Variants in MED13 observed in about 807,000 individuals in gnomAD.
MED13 encodes mediator complex subunit 13.
Under a neutral mutation model 225.2 loss-of-function variants are expected in MED13, and 23 were observed. The observed-to-expected ratio is 0.10, with a 90% confidence interval of 0.07 to 0.14. The LOEUF (loss-of-function observed/expected upper bound fraction) is 0.14, where lower values mean the gene tolerates loss of function less well. MED13 is among the 10% of genes least tolerant of loss of function. MED13 has a pLI of 1.00. For missense variants in MED13, 2,197 were observed against 2,594.5 expected (o/e 0.85, Z 3.33); for synonymous variants, 942 against 889.2 (o/e 1.06, Z -1.06).
At position 61,965,812 on chromosome 17, in the gene MED13, CAAAT is replaced by C. The variant is rs776336520; in HGVS notation, c.4382-348_4382-345del. Reference sequence around the variant, plus strand: ...TTCAAAGGGTTTCTAAATCACAAATCAAATAAATATTGACTACATTGACAGCTAA... The same window carrying C: ...TTCAAAGGGTTTCTAAATCACAAATCAAATATTGACTACATTGACAGCTAA... On this transcript the variant is annotated intron_variant, in intron 19 of 29. Coordinates refer to ENST00000397786, the MANE Select transcript of MED13 (RefSeq NM_005121.3). Among the ~76,000 whole-genome samples, 4 of 152,188 alleles carry C rather than the reference CAAAT, an allele frequency of 2.6e-5. No individual in the cohort carries two copies. The East Asian group carries it at 7.7e-4, about 29-fold the overall frequency.
chr17:62,008,479 T>C (rs1204336160), intron 9 of MED13, among the ~76,000 whole-genome samples: 1 of 151,974 alleles, frequency 6.6e-6, no homozygotes, highest in African/African-American at 2.4e-5. Flanking sequence ...TTTTTTTAAA[T>C]GAGCAAGAAT....
intron 8 of MED13, 44 bp from the exon 9 acceptor site, chr17:62,011,277 T>A: frequency 6.6e-7 from 1 of 1,525,316 alleles, no homozygotes; most frequent in Non-Finnish European, 8.9e-7. Flanking sequence ...GTATCACTAT[T>A]ATGGCGAAGT....
At chr17:61,999,835 T>C (rs1301062792) in intron 9 of MED13, among the ~76,000 whole-genome samples, 1 of 152,060 alleles carries the variant, frequency 6.6e-6, no homozygotes, top group Non-Finnish European at 1.5e-5. Context: ...GGTAGTAGCA[T>C]CACCGGAGAC....
chr17:62,014,970 A>T lies in MED13; in HGVS notation c.1284-3737T>A, dbSNP rs72843779. ...GGAAGAAATTAAATTACACTGAAAG[A>T]AGTAAAATTACATGACAAGTAAAAC... On this transcript the variant is annotated intron_variant, in intron 8 of 29. Transcript: ENST00000397786. Among the ~76,000 whole-genome samples, 777 of 152,348 alleles carry T rather than the reference A, an allele frequency of 5.1e-3. 6 individuals are homozygous for T. The highest frequency in any genetic ancestry group is 8.7e-3 in the Non-Finnish European group (590 of 68,022).
At chr17:62,033,139 C>T (rs544844086) in intron 5 of MED13, among the ~76,000 whole-genome samples, 20 of 151,526 alleles carry the variant, frequency 1.3e-4, no homozygotes, top group Non-Finnish European at 2.5e-4. Context: ...GGCAACAGAG[C>T]GAGACTCCAC....
chr17:62,052,783 A>C (rs937659770), intron 2 of MED13, 78 bp from the exon 3 acceptor site: 7 of 1,057,552 alleles, frequency 6.6e-6, no homozygotes, highest in Non-Finnish European at 9.2e-6. Flanking sequence ...GTTACAGTTT[A>C]AACTCTATAT....
Position 62,010,763 on chromosome 17 carries a change from G to C in MED13, c.1754C>G (p.Ser585Cys). 6.2e-7 allele frequency: 1 copy of C among 1,614,158 alleles called. No homozygotes were observed. The highest frequency in any genetic ancestry group is 8.5e-7 in the Non-Finnish European group (1 of 1,180,012). The change falls in exon 9 of 30, where the codon TCT (serine) becomes TGT (cysteine). Residue 585 changes from serine to cysteine, a missense_variant. Ser to Cys is a moderately radical substitution (Grantham distance 112). Around this residue, in one of 12 missense-constraint regions of MED13, gnomAD observed 884 missense variants for 918.5 expected, o/e 0.96. Transcript: ENST00000397786. Reference protein sequence around the residue: ...MEDRIDSLSQSFPPQYQEAVE... With the variant: ...MEDRIDSLSQCFPPQYQEAVE... ...AGCTTCCTGATATTGAGGTGGGAAA[G>C]ACTGGGACAAACTGTCTATCCTATC...
chr17:62,034,071 G>T, intron 4 of MED13, 87 bp from the exon 5 acceptor site: 1 of 1,166,914 alleles, frequency 8.6e-7, no homozygotes. Context: ...AAATAATCGT[G>T]CAATTATAAA....
intron 3 of MED13, among the ~76,000 whole-genome samples, chr17:62,043,186 A>G (rs2080870246): frequency 1.7e-5 from 2 of 118,168 alleles, no homozygotes; most frequent in Admixed American, 8.8e-5. Flanking sequence ...AAAAAAAAAG[A>G]AAGAAAGAAA....
intron 17 of MED13, among the ~76,000 whole-genome samples, chr17:61,971,859 A>T (rs1440739386): frequency 6.6e-6 from 1 of 152,064 alleles, no homozygotes. Flanking sequence ...GTGTGAACCC[A>T]GGAGGCGGAG....
chr17:61,995,794 T>A (rs1291295441), intron 9 of MED13, among the ~76,000 whole-genome samples: 1 of 152,034 alleles, frequency 6.6e-6, no homozygotes, highest in Non-Finnish European at 1.5e-5. Flanking sequence ...ACAAGGAAAG[T>A]GATTATGTAT....
At chr17:62,010,036 G>C (rs563598748) in intron 9 of MED13, among the ~76,000 whole-genome samples, 1 of 151,864 alleles carries the variant, frequency 6.6e-6, no homozygotes, top group Admixed American at 6.6e-5. Flanking sequence ...AGCCTAGCCA[G>C]CATGGTGAAA....
intron 16 of MED13, among the ~76,000 whole-genome samples, chr17:61,973,738 T>G (rs1433878637): frequency 6.6e-6 from 1 of 152,202 alleles, no homozygotes; most frequent in Admixed American, 6.5e-5. Flanking sequence ...TTCCAGCACT[T>G]TGGGAGGCCA....
intron 16 of MED13, among the ~76,000 whole-genome samples, chr17:61,981,614 A>C (rs1380581279): frequency 6.6e-6 from 1 of 152,192 alleles, no homozygotes; most frequent in Non-Finnish European, 1.5e-5. Context: ...ATTTAACTAC[A>C]TAGCTCATAT....
intron 9 of MED13, chr17:62,006,327 AAGG>A (rs1428258077): frequency 2.6e-5 from 4 of 151,336 alleles, no homozygotes; most frequent in African/African-American, 7.3e-5. Flanking sequence ...GGGAGACAGG[AAGG>A]AGAAGAAAAA....
chr17:61,978,353 G>T (rs1458831366), intron 16 of MED13, among the ~76,000 whole-genome samples: 2 of 152,084 alleles, frequency 1.3e-5, no homozygotes, highest in African/African-American at 4.8e-5. Flanking sequence ...ATGGGGTCAA[G>T]CAATTCTCCT....
chr17:62,017,219 T>TAAAAAAAAAAAAA (rs555881211), intron 8 of MED13, among the ~76,000 whole-genome samples: 2 of 84,244 alleles, frequency 2.4e-5, no homozygotes, highest in African/African-American at 9.0e-5. Flanking sequence ...ACTAAAATGC[T>TAAAAAAAAAAAAA]AAAAAAAAAA....
chr17:62,062,906 A>T (rs938059200), intron 2 of MED13, among the ~76,000 whole-genome samples, 161 bp downstream of exon 2: 2 of 152,234 alleles, frequency 1.3e-5, no homozygotes, highest in African/African-American at 4.8e-5. Flanking sequence ...TAATTTAAGT[A>T]AAATAAAATA....
At chr17:62,012,180 C>T (rs2080516312) in intron 8 of MED13, among the ~76,000 whole-genome samples, 1 of 151,732 alleles carries the variant, frequency 6.6e-6, no homozygotes, top group African/African-American at 2.4e-5. Flanking sequence ...CACGCCACTG[C>T]ACTCCAGCCT....
Sources: gnomAD v4.1 joint callset for allele counts (sites outside exome capture counted in the v4.1 genomes callset) on GRCh38, gnomAD v4.1.1 for gene constraint, gnomAD v4.1.1 regional missense constraint, MANE v1.5 for transcripts, NCBI Gene and HGNC (gene_info 2026-07-23, HGNC 2026-07-21) for gene names.